Variants in BEND7 observed in about 807,000 individuals in gnomAD.
The protein encoded by BEND7 is BEN domain-containing protein 7.
BEND7 carries 28 observed loss-of-function variants against 50.9 expected under a neutral mutation model. The observed-to-expected ratio is 0.55, with a 90% CI of 0.41 to 0.75. The LOEUF (loss-of-function observed/expected upper bound fraction) is 0.75. Ranked by LOEUF, BEND7 falls within the 30% of genes least tolerant of loss-of-function variation. The probability of loss-of-function intolerance (pLI) is 0.00; values close to 1 mark genes in which losing one functional copy is unlikely to be tolerated. For synonymous variants in BEND7, 170 were observed against 183.9 expected (o/e 0.92, Z 0.61); for missense variants, 477 against 491.3 (o/e 0.97, Z 0.28).
At chr10:13,439,496 A>G, downstream of BEND7, 1 of 1,591,048 alleles carries the variant, frequency 6.3e-7, no homozygotes, top group East Asian at 2.2e-5. Context: ...CACCACAAGC[A>G]CCTGTGGAAT....
intron 6 of BEND7, among the ~76,000 whole-genome samples, chr10:13,464,201 C>A (rs2073997917): frequency 6.6e-6 from 1 of 152,192 alleles, no homozygotes; most frequent in Non-Finnish European, 1.5e-5. Context: ...ACATGGGCAC[C>A]CAGAAACACA....
At chr10:13,458,274 A>G (rs766725996) in intron 6 of BEND7, among the ~76,000 whole-genome samples, 5 of 152,242 alleles carry the variant, frequency 3.3e-5, no homozygotes, top group Admixed American at 3.3e-4. Context: ...ATCATCATCA[A>G]GTGAAGGCGG....
chr10:13,441,483 A>T lies in BEND7; in HGVS notation c.*260T>A. 7.6e-7 allele frequency: 1 copy of T among 1,310,922 alleles called. No individual in the cohort carries two copies. The highest frequency in any genetic ancestry group is 9.7e-7 in the Non-Finnish European group (1 of 1,029,976). 81.2% of individuals were successfully genotyped at this position (1,310,922 alleles called of 1,614,324 possible). A position where few individuals can be genotyped will look rare whatever the true frequency, so the allele number is the denominator to read the frequency against. ...GGTTGAACAAGCTCCACCCGTCCTC[A>T]AGTGCTGAACACCCCAAGCTGTGGC... On this transcript the variant is annotated 3_prime_UTR_variant, in exon 9 of 9. Coordinates refer to ENST00000466271, the MANE Select transcript of BEND7 (RefSeq NM_001369863.1).
chr10:13,528,666 G>T lies in BEND7; in HGVS notation c.-133C>A. ...GCCGGGACCAAGGTCCGCGCCTGGAGTCGGCGAGGGGAGGCCGCGGGACGG... is the reference window on the plus strand; with the variant it reads ...GCCGGGACCAAGGTCCGCGCCTGGATTCGGCGAGGGGAGGCCGCGGGACGG... On this transcript the variant is annotated 5_prime_UTR_variant, in exon 1 of 9. Transcript: ENST00000466271. The T allele has an allele frequency of 2.8e-6, 1 of 361,266 alleles. No homozygotes were observed. The highest frequency in any genetic ancestry group is 3.8e-6 in the Non-Finnish European group (1 of 261,576). 22.4% of individuals were successfully genotyped at this position (361,266 alleles called of 1,614,324 possible).
chr10:13,493,665 T>C (rs2076832055), intron 4 of BEND7, among the ~76,000 whole-genome samples: 1 of 152,206 alleles, frequency 6.6e-6, no homozygotes, highest in South Asian at 2.1e-4. Context: ...TTCAACCTGA[T>C]TCTATACTTA....
intron 2 of BEND7, among the ~76,000 whole-genome samples, chr10:13,525,872 A>C (rs577820103): frequency 6.6e-6 from 1 of 152,338 alleles, no homozygotes; most frequent in African/African-American, 2.4e-5. Context: ...CAGAGCCACA[A>C]AACTGCACAG....
rs141457561 is a variant in BEND7 at position 13,514,023 on chromosome 10, C to T, written c.145+12115G>A. 4.0e-4 allele frequency among the ~76,000 whole-genome samples: 61 copies of T among 152,342 alleles called. 2 individuals carry two copies. In the East Asian group the frequency reaches 0.011, roughly 27 times the overall value. ...AAGGCCTTTTCCTGTATCTCAGAAG[C>T]TGGTCCCCACATGCCACCCCTTCTG... On this transcript the variant is annotated intron_variant, in intron 2 of 8. Transcript: ENST00000466271.
rs2079573193 is a variant in BEND7 at position 13,528,745 on chromosome 10, G to C, written c.-212C>G. On this transcript the variant is annotated 5_prime_UTR_variant, in exon 1 of 9. Transcript: ENST00000466271. The stretch of plus-strand genomic sequence containing the variant: ...TGCAGGCGCGGGGCCCGGCGGCGTG[G>C]GCTCCCGGGCGAAGTTGCCCCCGCG... 1 of 149,910 alleles carries C rather than the reference G, an allele frequency of 6.7e-6. No individual in the cohort carries two copies. Among genetic ancestry groups the C allele is most frequent in the African/African-American group, 2.4e-5 (1 of 40,896 alleles). 9.3% of individuals were successfully genotyped at this position (149,910 alleles called of 1,614,324 possible).
chr10:13,507,454 A>G (rs1341423553), intron 2 of BEND7, among the ~76,000 whole-genome samples: 1 of 152,210 alleles, frequency 6.6e-6, no homozygotes, highest in Non-Finnish European at 1.5e-5. Flanking sequence ...GTTTTGTCCT[A>G]TGTTAAAGAG....
chr10:13,501,141 G>A (rs565831566), intron 2 of BEND7, among the ~76,000 whole-genome samples: 3 of 152,226 alleles, frequency 2.0e-5, no homozygotes, highest in African/African-American at 7.2e-5. Flanking sequence ...TTGGGAGGCC[G>A]AGGCGGGTAG....
chr10:13,492,699 A>G lies in BEND7; in HGVS notation c.749T>C (p.Leu250Pro). ...GTGCTCGGCTGCCTGGAGAGCAGAT[A>G]GCTCAGAGGCCACCACCGACTTTTT... ...MEKKSVVASE[L>P]SALQAAEHTS... The change falls in exon 5 of 9, where the codon CTA (leucine) becomes CCA (proline). Residue 250 changes from leucine to proline, a missense_variant. By Grantham distance (98) the Leu-to-Pro change is moderately conservative. Around this residue, in one of 3 missense-constraint regions of BEND7, gnomAD observed 396 missense variants for 384.2 expected, o/e 1.03. Transcript: ENST00000466271. 6.2e-7 allele frequency: 1 copy of G among 1,614,190 alleles called. No homozygotes were observed. Among genetic ancestry groups the G allele is most frequent in the African/African-American group, 1.3e-5 (1 of 75,054 alleles).
intron 2 of BEND7, among the ~76,000 whole-genome samples, chr10:13,501,678 C>T (rs1244010087): frequency 1.3e-5 from 2 of 152,048 alleles, no homozygotes; most frequent in Non-Finnish European, 2.9e-5. Flanking sequence ...GAAACCCCGT[C>T]TCTACAAAAA....
chr10:13,523,277 G>C (rs2079202078), intron 2 of BEND7, among the ~76,000 whole-genome samples: 1 of 152,208 alleles, frequency 6.6e-6, no homozygotes, highest in Non-Finnish European at 1.5e-5. Flanking sequence ...AACGTCTTCT[G>C]ACCCTATTAT....
chr10:13,500,126 G>A, intron 2 of BEND7, 46 bp from the exon 3 acceptor site: 3 of 1,412,416 alleles, frequency 2.1e-6, no homozygotes, highest in South Asian at 1.4e-5. Flanking sequence ...TAGTGAAAGA[G>A]AAAACAGTTC....
chr10:13,453,409 T>C (rs1054039982), intron 6 of BEND7, among the ~76,000 whole-genome samples: 1 of 152,188 alleles, frequency 6.6e-6, no homozygotes, highest in Non-Finnish European at 1.5e-5. Context: ...GGCCATCACA[T>C]CACACTGCCT....
intron 2 of BEND7, chr10:13,500,892 C>T (rs2077396590): frequency 1.1e-6 from 1 of 944,142 alleles, no homozygotes; most frequent in Non-Finnish European, 1.3e-6. Flanking sequence ...AAACGCACTG[C>T]CACCTCCCCT....
intron 2 of BEND7, among the ~76,000 whole-genome samples, chr10:13,507,677 A>T (rs1419137898): frequency 6.6e-6 from 1 of 152,220 alleles, no homozygotes; most frequent in Non-Finnish European, 1.5e-5. Flanking sequence ...CCTGAAGGTG[A>T]GGCCACAGAT....
chr10:13,511,620 C>G (rs948218005), intron 2 of BEND7, among the ~76,000 whole-genome samples: 1 of 152,138 alleles, frequency 6.6e-6, no homozygotes, highest in South Asian at 2.1e-4. Context: ...GCTAAGGCCA[C>G]TTTCTCTTGA....
intron 8 of BEND7, chr10:13,445,480 C>G (rs902158874): frequency 4.6e-5 from 7 of 152,150 alleles, no homozygotes. Flanking sequence ...AGTCGAGGGA[C>G]CTGGGTTCCG....
Sources: gnomAD v4.1 joint callset for allele counts (sites outside exome capture counted in the v4.1 genomes callset) on GRCh38, gnomAD v4.1.1 for gene constraint, gnomAD v4.1.1 regional missense constraint, MANE v1.5 for transcripts, NCBI Gene and HGNC (gene_info 2026-07-23, HGNC 2026-07-21) for gene names.